The following GUCY2D variants were observed in gnomAD, a reference collection of about 807,000 sequenced individuals.
GUCY2D encodes the protein guanylate cyclase 2D, retinal.
GUCY2D carries 70 observed loss-of-function variants against 101.3 expected under a neutral mutation model. The ratio of observed to expected loss-of-function variants is 0.69; its 90% CI spans 0.57 to 0.84. The LOEUF (loss-of-function observed/expected upper bound fraction) is 0.84, where lower values mean the gene tolerates loss of function less well. Ranked by LOEUF, GUCY2D falls within the 40% of genes least tolerant of loss-of-function variation. GUCY2D has a pLI of 0.00. For missense variants in GUCY2D, 1,460 were observed against 1,542.5 expected (o/e 0.95, Z 0.90); for synonymous variants, 688 against 670.7 (o/e 1.03, Z -0.40).
At chr17:8,016,398 C>A (rs773078701) in intron 18 of GUCY2D, 45 bp from the exon 19 acceptor site, 40 of 1,467,642 alleles carry the variant, frequency 2.7e-5, no homozygotes, top group Non-Finnish European at 5.6e-6. Flanking sequence ...CCTGCCCTCC[C>A]ACGCCCCATT....
chr17:8,007,788 T>G lies in GUCY2D; in HGVS notation c.1567-143T>G, dbSNP rs1045926593. On this transcript the variant is annotated intron_variant, in intron 6 of 19. Transcript: ENST00000254854. ...CTTTGTAAACTGTAAAGCGTGCACT[T>G]GGGGAGTAATGTCATTATCACCTTC... 66 of 710,176 alleles carry G rather than the reference T, an allele frequency of 9.3e-5. No homozygotes were observed. In the African/African-American group the frequency reaches 1.1e-3, roughly 12 times the overall value. 44.0% of individuals were successfully genotyped at this position (710,176 alleles called of 1,614,324 possible). A position where few individuals can be genotyped will look rare whatever the true frequency, so the allele number is the denominator to read the frequency against.
In GUCY2D at chr17:8,007,065, G is replaced by A. The variant is rs1323099555; in HGVS notation, c.1384G>A (p.Glu462Lys). ...DPNNICGGGL[E>K]PGLVFLGFLL... ...TCCTGTCACTGTCCCTTCAGGACTG[G>A]AGCCGGGCCTCGTCTTTCTTGGCTT... Residue 462 changes from glutamate (E) to lysine (K), a missense_variant, in exon 5 of 20, where the codon GAG becomes AAG. Physicochemically the swap from Glu to Lys is moderately conservative, Grantham distance 56. Transcript: ENST00000254854. 1 of 1,613,796 alleles carries A rather than the reference G, an allele frequency of 6.2e-7. No individual in the cohort carries two copies. The highest frequency in any genetic ancestry group is 1.7e-5 in the Admixed American group (1 of 60,012).
chr17:8,019,184 TG>T (rs1472734352), intron 19 of GUCY2D, among the ~76,000 whole-genome samples: 1 of 152,194 alleles, frequency 6.6e-6, no homozygotes, highest in Non-Finnish European at 1.5e-5. Flanking sequence ...TGGACCTGAC[TG>T]TGTGGATAGA....
rs966534606 is a variant in GUCY2D at position 8,014,376 on chromosome 17, G to C, written c.2413-225G>C. On this transcript the variant is annotated intron_variant, in intron 12 of 19. Transcript: ENST00000254854. This position sits in a 1 kb window ranked among gnomAD's most constrained non-coding sequence, Gnocchi z 4.0. ...TCCAGTGCCCTGTCAATTACTAGCT[G>C]AGATCAACTGACCTCTGGGAACCCT... The C allele has an allele frequency of 2.7e-5, 17 of 625,054 alleles. No homozygotes were observed. The highest frequency in any genetic ancestry group is 1.8e-4 in the African/African-American group (10 of 54,880). The allele number at this position is 625,054 out of a possible 1,614,324, so 38.7% of individuals were successfully genotyped here. A position where few individuals can be genotyped will look rare whatever the true frequency, so the allele number is the denominator to read the frequency against.
intron 3 of GUCY2D, among the ~76,000 whole-genome samples, chr17:8,004,688 T>C (rs1253562226): frequency 1.3e-5 from 2 of 151,880 alleles, no homozygotes; most frequent in Non-Finnish European, 2.9e-5. Flanking sequence ...TACCTAGGGA[T>C]CCCCAAGTCC....
At position 8,016,895 on chromosome 17, in the gene GUCY2D, G is replaced by C. The variant is rs1975989041; in HGVS notation, c.*24+341G>C. The C allele has an allele frequency of 1.7e-5, 4 of 230,068 alleles. No homozygotes were observed. In the South Asian group the frequency reaches 3.3e-4, roughly 19 times the overall value. The allele number at this position is 230,068 out of a possible 1,614,324, so 14.3% of individuals were successfully genotyped here. On this transcript the variant is annotated intron_variant, in intron 19 of 19. Coordinates refer to ENST00000254854, the MANE Select transcript of GUCY2D (RefSeq NM_000180.4). ...CAACTCTAGGGGGCAGCAGTCACCA[G>C]AGAACAATGTGAAAGCAGAAGCCGT...
chr17:8,009,095 C>T (rs1001240787), intron 7 of GUCY2D, among the ~76,000 whole-genome samples: 1 of 152,208 alleles, frequency 6.6e-6, no homozygotes, highest in African/African-American at 2.4e-5. Context: ...GGTCCAGCAT[C>T]AGGAGGGGAG....
At chr17:8,012,883 G>A (rs909168003) in intron 10 of GUCY2D, among the ~76,000 whole-genome samples, 3 of 152,192 alleles carry the variant, frequency 2.0e-5, no homozygotes, top group South Asian at 2.1e-4. Flanking sequence ...CCCAAGAGAC[G>A]GAGCCTTCCC....
At position 8,013,340 on chromosome 17, in the gene GUCY2D, G is replaced by A; in HGVS notation, c.2263+88G>A. 1 of 1,342,996 alleles carries A rather than the reference G, an allele frequency of 7.4e-7. No individual in the cohort carries two copies. The highest frequency in any genetic ancestry group is 1.1e-6 in the Non-Finnish European group (1 of 951,948). The allele number at this position is 1,342,996 out of a possible 1,614,324, so 83.2% of individuals were successfully genotyped here. On this transcript the variant is annotated intron_variant, in intron 11 of 19. Coordinates refer to ENST00000254854, the MANE Select transcript of GUCY2D (RefSeq NM_000180.4). This position sits in a 1 kb window ranked among gnomAD's most constrained non-coding sequence, Gnocchi z 5.0. The stretch of plus-strand genomic sequence containing the variant: ...GCCTCACTCTTTCCTCTAAAGCAAA[G>A]CCCAGTGATGAAACTCAATTATACG...
chr17:8,012,216 G>A lies in GUCY2D; in HGVS notation c.1822G>A (p.Ala608Thr), dbSNP rs761968706. Residue 608 changes from alanine to threonine, a missense_variant, in exon 9 of 20, where the codon GCG (alanine) becomes ACG (threonine). This residue lies in a region of GUCY2D where 1,196 missense variants were observed against 1,229.6 expected (regional missense o/e 0.97). Transcript: ENST00000254854. ...LFLARGAEGP[A>T]ALWEGNLAVV... ...CCTGGCTCGGGGAGCAGAAGGCCCT[G>A]CGGCCCTCTGGGAGGGCAACCTGGC... 27 of 1,613,910 alleles carry A rather than the reference G, an allele frequency of 1.7e-5. No homozygotes were observed. The highest frequency in any genetic ancestry group is 2.3e-5 in the Non-Finnish European group (27 of 1,179,886).
At position 8,006,660 on chromosome 17, in the gene GUCY2D, G is replaced by C; in HGVS notation, c.1324G>C (p.Ala442Pro). ...GATGCACTTCCCGCGTGGGGGATCA[G>C]CACCCGGACCTGACCCCTCGTGCTG... is the stretch of plus-strand genomic sequence containing the variant. ...TRMHFPRGGSAPGPDPSCWFD... is the reference protein window; with the variant it reads ...TRMHFPRGGSPPGPDPSCWFD... Residue 442 changes from alanine (A) to proline (P), a missense_variant, in exon 4 of 20, where the codon GCA (alanine) becomes CCA (proline). By Grantham distance (27) the Ala-to-Pro change is conservative (BLOSUM62 -1). Around this residue, in one of 3 missense-constraint regions of GUCY2D, gnomAD observed 1,196 missense variants for 1,229.6 expected, o/e 0.97. Coordinates refer to ENST00000254854, the MANE Select transcript of GUCY2D (RefSeq NM_000180.4). 1 of 1,612,482 alleles carries C rather than the reference G, an allele frequency of 6.2e-7. No homozygotes were observed. Among genetic ancestry groups the C allele is most frequent in the Admixed American group, 1.7e-5 (1 of 59,902 alleles).
rs758841128 is a variant in GUCY2D, at chr17:8,012,167, C to T, written c.1773C>T (p.Asn591=). ...AGCTCCAGGAGCTCCGGCATGAGAA[C>T]GTGGCCCTCTACCTGGGGCTTTTCC... ...FSKLQELRHE[N]VALYLGLFLA... is the part of the protein sequence containing the mutation. The change falls in exon 9 of 20, where the codon AAC becomes AAT. Residue 591 remains asparagine (N), a synonymous_variant. Transcript: ENST00000254854. The T allele has an allele frequency of 3.3e-5, 53 of 1,613,720 alleles. No individual in the cohort carries two copies. In the Middle Eastern group the frequency reaches 6.8e-4, roughly 21 times the overall value.
At position 8,014,378 on chromosome 17, in the gene GUCY2D, GATC is replaced by G. The variant is rs1466128947; in HGVS notation, c.2413-221_2413-219del. ...CAGTGCCCTGTCAATTACTAGCTGA[GATC>G]AACTGACCTCTGGGAACCCTCATTT... On this transcript the variant is annotated intron_variant, in intron 12 of 19. Coordinates refer to ENST00000254854, the MANE Select transcript of GUCY2D (RefSeq NM_000180.4). The surrounding 1 kb of genome is among the most constrained non-coding windows in gnomAD (Gnocchi z 4.0). 1 of 626,892 alleles carries G rather than the reference GATC, an allele frequency of 1.6e-6. No homozygotes were observed. The highest frequency in any genetic ancestry group is 1.8e-5 in the African/African-American group (1 of 54,978). The allele number at this position is 626,892 out of a possible 1,614,324, so 38.8% of individuals were successfully genotyped here.
rs962715477 is a variant in GUCY2D, at chr17:8,014,719, T to C, written c.2531T>C (p.Leu844Pro). The C allele has an allele frequency of 1.2e-6, 2 of 1,608,684 alleles. No individual in the cohort carries two copies. Among genetic ancestry groups the C allele is most frequent in the Admixed American group, 1.7e-5 (1 of 59,200 alleles). Residue 844 changes from leucine (L) to proline (P), a missense_variant, in exon 13 of 20, where the codon CTG (leucine) becomes CCG (proline). This residue lies in a region of GUCY2D where 1,196 missense variants were observed against 1,229.6 expected (regional missense o/e 0.97). Transcript: ENST00000254854. The surrounding 1 kb of genome is among the most constrained non-coding windows in gnomAD (Gnocchi z 4.0). ...CGGGAGCGCACGGAGGAGCTGGAGC[T>C]GGAAAAGCAGAAGACAGACCGGCTG... is the stretch of plus-strand genomic sequence containing the variant. ...LIRERTEELE[L>P]EKQKTDRLLT...
intron 14 of GUCY2D, 31 bp downstream of exon 14, chr17:8,015,082 C>T (rs2151803534): frequency 6.3e-7 from 1 of 1,582,994 alleles, no homozygotes; most frequent in Non-Finnish European, 8.7e-7. Flanking sequence ...GCCCTCCTGA[C>T]CTTCAATTCA....
rs1471272902 is a variant in GUCY2D, at chr17:8,016,477, C to T, written c.3259C>T (p.Pro1087Ser). Residue 1087 changes from proline to serine, a missense_variant, in exon 19 of 20, where the codon CCA becomes TCA. Around this residue, in one of 3 missense-constraint regions of GUCY2D, gnomAD observed 215 missense variants for 227.9 expected, o/e 0.94. Coordinates refer to ENST00000254854, the MANE Select transcript of GUCY2D (RefSeq NM_000180.4). ...SNHGISLQEI[P>S]PERRRKLEKA... ...CCACGGCATCAGCCTGCAGGAGATC[C>T]CACCCGAGCGGCGACGGAAGCTGGA... 3 of 1,579,698 alleles carry T rather than the reference C, an allele frequency of 1.9e-6. No homozygotes were observed. The highest frequency in any genetic ancestry group is 2.6e-6 in the Non-Finnish European group (3 of 1,163,338).
chr17:8,009,101 G>A (rs1034034515), intron 7 of GUCY2D, among the ~76,000 whole-genome samples: 2 of 152,216 alleles, frequency 1.3e-5, no homozygotes, highest in African/African-American at 4.8e-5. Context: ...GCATCAGGAG[G>A]GGAGCTGTCT....
chr17:8,015,081 A>G, intron 14 of GUCY2D, 30 bp downstream of exon 14: 1 of 1,586,750 alleles, frequency 6.3e-7, no homozygotes, highest in East Asian at 2.2e-5. Flanking sequence ...AGCCCTCCTG[A>G]CCTTCAATTC....
At chr17:8,016,352 C>T in intron 18 of GUCY2D, 62 bp downstream of exon 18, 1 of 1,441,994 alleles carries the variant, frequency 6.9e-7, no homozygotes, top group Non-Finnish European at 9.5e-7. Context: ...TGCTCTGTGT[C>T]TGACCCCCCG....
Sources: gnomAD v4.1 joint callset for allele counts (sites outside exome capture counted in the v4.1 genomes callset) on GRCh38, gnomAD v4.1.1 for gene constraint, gnomAD v4.1.1 regional missense constraint, Gnocchi (gnomAD v3.1) non-coding constraint, MANE v1.5 for transcripts, NCBI Gene and HGNC (gene_info 2026-07-23, HGNC 2026-07-21) for gene names.